KSR2: variants seen among roughly 807,000 people sequenced by gnomAD.
KSR2 encodes the protein kinase suppressor of ras 2.
In KSR2, 25 loss-of-function variants were observed where a neutral mutation model predicts 107.8. That is an observed-to-expected ratio of 0.23 (90% CI 0.17 to 0.32). KSR2 has a LOEUF of 0.32. Among genes scored for constraint, KSR2 ranks in the 10% least tolerant of loss-of-function variants. The pLI, the probability that KSR2 is intolerant of heterozygous loss-of-function variation, is 1.00. For synonymous variants in KSR2, 480 were observed against 507.0 expected (o/e 0.95, Z 0.71); for missense variants, 887 against 1,268.9 (o/e 0.70, Z 4.57).
chr12:117,686,512 A>C (rs1217400453), intron 4 of KSR2, among the ~76,000 whole-genome samples: 1 of 152,068 alleles, frequency 6.6e-6, no homozygotes, highest in Non-Finnish European at 1.5e-5. Flanking sequence ...AAAGGTCTTA[A>C]CCCTAAAATA....
At chr12:117,797,292 T>C (rs1040855507) in intron 3 of KSR2, among the ~76,000 whole-genome samples, 2 of 152,216 alleles carry the variant, frequency 1.3e-5, no homozygotes, top group Non-Finnish European at 2.9e-5. Flanking sequence ...AATGGAATAT[T>C]ATTCAGCCAT....
chr12:117,778,040 T>A (rs1421871314), intron 3 of KSR2, among the ~76,000 whole-genome samples: 1 of 152,138 alleles, frequency 6.6e-6, no homozygotes, highest in Non-Finnish European at 1.5e-5. Flanking sequence ...CTCAAAAAAA[T>A]ATTAAAATAA....
intron 1 of KSR2, among the ~76,000 whole-genome samples, chr12:117,877,093 T>C (rs58036304): frequency 0.052 from 7,864 of 152,268 alleles, 674 homozygotes; most frequent in African/African-American, 0.18. Context: ...TTTCCGATTA[T>C]TGGGAGGCCA....
At chr12:117,931,180 A>C (rs763131528) in intron 1 of KSR2, among the ~76,000 whole-genome samples, 3 of 152,078 alleles carry the variant, frequency 2.0e-5, no homozygotes, top group African/African-American at 4.8e-5. Flanking sequence ...AGCTTGAAAA[A>C]TATTTTCATT....
intron 3 of KSR2, among the ~76,000 whole-genome samples, chr12:117,835,038 A>G (rs1892142461): frequency 6.6e-6 from 1 of 152,118 alleles, no homozygotes; most frequent in African/African-American, 2.4e-5. Flanking sequence ...CCCGAGACAC[A>G]GAGTCCAGGG....
chr12:117,940,981 G>A (rs919036055), intron 1 of KSR2, among the ~76,000 whole-genome samples: 4 of 151,814 alleles, frequency 2.6e-5, no homozygotes, highest in Admixed American at 1.3e-4. Flanking sequence ...GCTACTCAGG[G>A]GACTGAGGCA....
At chr12:117,631,850 C>G (rs574238729) in intron 5 of KSR2, among the ~76,000 whole-genome samples, 133 of 152,260 alleles carry the variant, frequency 8.7e-4, no homozygotes, top group Non-Finnish European at 1.4e-3. Context: ...ATTCATTAAA[C>G]AAAATTGCAA....
intron 3 of KSR2, among the ~76,000 whole-genome samples, chr12:117,837,670 G>A (rs1892282820): frequency 6.6e-6 from 1 of 152,154 alleles, no homozygotes; most frequent in Admixed American, 6.5e-5. Context: ...CCGAGCCACT[G>A]AGAGCATCCT....
chr12:117,936,526 A>AG (rs767900869), intron 1 of KSR2, among the ~76,000 whole-genome samples: 4,285 of 69,804 alleles, frequency 0.061, 57 homozygotes, highest in Admixed American at 0.08. Context: ...TATTATTATT[A>AG]TTATTATTAG....
chr12:117,598,372 T>C (rs1391428817), intron 5 of KSR2, among the ~76,000 whole-genome samples: 3 of 152,248 alleles, frequency 2.0e-5, no homozygotes, highest in Non-Finnish European at 4.4e-5. Context: ...ACATTTTCTT[T>C]ACCCACTTGT....
At chr12:117,579,299 T>C (rs1284200687) in intron 6 of KSR2, 97 bp from the exon 7 acceptor site, 1 of 828,940 alleles carries the variant, frequency 1.2e-6, no homozygotes, top group African/African-American at 1.7e-5. Context: ...ACATGAACCC[T>C]GGATTCCAGT....
Position 117,469,665 on chromosome 12 carries a change from G to T in KSR2, c.2843C>A (p.Ala948Glu). The T allele has an allele frequency of 6.2e-7, 1 of 1,612,360 alleles. No homozygotes were observed. The highest frequency in any genetic ancestry group is 8.5e-7 in the Non-Finnish European group (1 of 1,179,250). ...GACATTAAGGGAGAAAACCTACTCT[G>T]CAGACTTCCAGAAATGTCCAGGGTG... ...LSHPGHFWKS[A>E]EL The change falls in exon 19 of 20, where the codon GCA (alanine) becomes GAA (glutamate). Residue 948 changes from alanine to glutamate, a missense_variant. Coordinates refer to ENST00000339824, the MANE Select transcript of KSR2 (RefSeq NM_173598.6).
chr12:117,737,111 C>G (rs1216402578), intron 4 of KSR2, among the ~76,000 whole-genome samples: 1 of 152,342 alleles, frequency 6.6e-6, no homozygotes, highest in Admixed American at 6.5e-5. Flanking sequence ...CTGGAAAATT[C>G]AATCCAATCC....
At chr12:117,639,270 A>G (rs1878423) in intron 5 of KSR2, among the ~76,000 whole-genome samples, 25,100 of 151,804 alleles carry the variant, frequency 0.17, 2,179 homozygotes, top group Middle Eastern at 0.23. Context: ...TATACATATA[A>G]GCACATACAC....
chr12:117,484,329 T>C, intron 16 of KSR2, 87 bp downstream of exon 16: 1 of 1,483,928 alleles, frequency 6.7e-7, no homozygotes, highest in Non-Finnish European at 9.2e-7. Flanking sequence ...ACCCTGAGTC[T>C]AGGTCACTAA....
chr12:117,702,086 T>C (rs1171393406), intron 4 of KSR2, among the ~76,000 whole-genome samples: 1 of 152,180 alleles, frequency 6.6e-6, no homozygotes, highest in Non-Finnish European at 1.5e-5. Context: ...AACTGCAACA[T>C]GCTCCCTTGC....
intron 3 of KSR2, among the ~76,000 whole-genome samples, chr12:117,847,787 C>T (rs1047087984): frequency 6.6e-6 from 1 of 152,138 alleles, no homozygotes; most frequent in African/African-American, 2.4e-5. Context: ...TGGGATGCTC[C>T]CCTCCCTCCC....
At chr12:117,959,791 G>A (rs897413293) in intron 1 of KSR2, among the ~76,000 whole-genome samples, 20 of 151,956 alleles carry the variant, frequency 1.3e-4, no homozygotes, top group African/African-American at 4.6e-4. Flanking sequence ...TGTAGCCAGC[G>A]ATGGTGATGC....
chr12:117,502,112 T>G (rs1227121182), intron 14 of KSR2, among the ~76,000 whole-genome samples: 2 of 152,246 alleles, frequency 1.3e-5, no homozygotes, highest in Non-Finnish European at 2.9e-5. Context: ...CACACAGGTA[T>G]TTACATGGGC....
Sources: gnomAD v4.1 joint callset for allele counts (sites outside exome capture counted in the v4.1 genomes callset) on GRCh38, gnomAD v4.1.1 for gene constraint, MANE v1.5 for transcripts, NCBI Gene and HGNC (gene_info 2026-07-23, HGNC 2026-07-21) for gene names.